The following LRRK1 variants were observed in gnomAD, a reference collection of about 807,000 sequenced individuals.
LRRK1 encodes the protein leucine rich repeat kinase 1.
LRRK1 carries 113 observed loss-of-function variants against 209.1 expected under a neutral mutation model. The observed-to-expected ratio is 0.54, with a 90% CI of 0.46 to 0.63. LRRK1 has a LOEUF of 0.63. Among genes scored for constraint, LRRK1 ranks in the 30% least tolerant of loss-of-function variants. The pLI is 0.00. For synonymous variants in LRRK1, 1,144 were observed against 1,099.7 expected, an observed-to-expected ratio of 1.04 and a Z score of -0.80; for missense variants, 2,284 against 2,632.2, an observed-to-expected ratio of 0.87 and a Z score of 2.89.
rs1377628574 is a variant in LRRK1, at chr15:101,062,627, C to A, written c.4851C>A (p.Pro1617=). 1.2e-5 allele frequency: 19 copies of A among 1,614,236 alleles called. No homozygotes were observed. The highest frequency in any genetic ancestry group is 1.5e-5 in the Non-Finnish European group (18 of 1,180,034). ...AGGGCATGTGCCCCTTAAACACACC[C>A]CAACAGGCCTTGGATACTCCAGCTG... The part of the protein sequence containing the change: ...TLKGMCPLNT[P]QQALDTPAVV... Residue 1617 remains proline (P), a synonymous_variant, in exon 31 of 34, where the codon CCC becomes CCA. Transcript: ENST00000388948.
At chr15:100,985,708 C>G (rs2031830067) in intron 4 of LRRK1, among the ~76,000 whole-genome samples, 1 of 152,194 alleles carries the variant, frequency 6.6e-6, no homozygotes. Context: ...TCAACTGCTC[C>G]CAGGAGCATC....
At chr15:100,976,921 G>A (rs1019719057) in intron 3 of LRRK1, among the ~76,000 whole-genome samples, 1 of 152,182 alleles carries the variant, frequency 6.6e-6, no homozygotes, top group African/African-American at 2.4e-5. Flanking sequence ...TGTAATAAGT[G>A]CAGAACTTCT....
chr15:100,966,985 G>A lies in LRRK1; in HGVS notation c.98-6819G>A, dbSNP rs144440144. On this transcript the variant is annotated intron_variant, in intron 2 of 33. Transcript: ENST00000388948. ...GTATGTTCCTAACATGGACAGAAGA[G>A]GCTACTTCATACCTGCTTGTGCATT... Among the ~76,000 whole-genome samples the A allele has an allele frequency of 9.8e-5, 15 of 152,328 alleles. 1 individual carries two copies. The East Asian group carries it at 2.9e-3, about 29-fold the overall frequency.
At chr15:100,996,089 A>T (rs1294494529) in intron 6 of LRRK1, among the ~76,000 whole-genome samples, 1 of 152,304 alleles carries the variant, frequency 6.6e-6, no homozygotes, top group South Asian at 2.1e-4. Context: ...CTGCGTGCTC[A>T]TGAGAGTGCC....
chr15:100,968,684 TTC>T (rs971477229), intron 2 of LRRK1, among the ~76,000 whole-genome samples: 3 of 83,256 alleles, frequency 3.6e-5, no homozygotes, highest in African/African-American at 1.4e-4. Flanking sequence ...CTTTCTTTCT[TTC>T]TTTCTTTCCT....
chr15:101,053,174 C>T (rs746560699), intron 25 of LRRK1, 49 bp from the exon 26 acceptor site: 4 of 1,592,240 alleles, frequency 2.5e-6, no homozygotes, highest in Non-Finnish European at 3.4e-6. Context: ...AGGCCTGAGG[C>T]TGCAGGCACC....
chr15:100,998,331 G>A (rs969536112), intron 6 of LRRK1, among the ~76,000 whole-genome samples: 11 of 151,950 alleles, frequency 7.2e-5, no homozygotes, highest in Non-Finnish European at 1.0e-4. Context: ...GCTCCTCCTC[G>A]ACCCAGGACA....
chr15:101,027,106 G>T lies in LRRK1; in HGVS notation c.2406-155G>T, dbSNP rs1368457081. Among the ~76,000 whole-genome samples the T allele has an allele frequency of 6.6e-6, 1 of 152,184 alleles. No homozygotes were observed. The highest frequency in any genetic ancestry group is 1.5e-5 in the Non-Finnish European group (1 of 68,026). On this transcript the variant is annotated intron_variant, in intron 17 of 33. Coordinates refer to ENST00000388948, the MANE Select transcript of LRRK1 (RefSeq NM_024652.6). The surrounding 1 kb of genome is among the most constrained non-coding windows in gnomAD (Gnocchi z 5.1). Reference sequence around the variant, plus strand: ...TGTGGGGCACCCAGCACAGTGATTTGCACAAAGCAAGGCCTCAATAAACTT... The same window carrying T: ...TGTGGGGCACCCAGCACAGTGATTTTCACAAAGCAAGGCCTCAATAAACTT...
At chr15:101,005,107 ACCTT>A (rs1335751061) in intron 6 of LRRK1, among the ~76,000 whole-genome samples, 1 of 152,130 alleles carries the variant, frequency 6.6e-6, no homozygotes. Context: ...CAATCTGGAC[ACCTT>A]GATTCCATGT....
At chr15:101,026,455 C>G (rs2034037936) in intron 17 of LRRK1, among the ~76,000 whole-genome samples, 1 of 152,264 alleles carries the variant, frequency 6.6e-6, no homozygotes, top group South Asian at 2.1e-4. Context: ...TGCTGCCCAT[C>G]TCATTTGTTG....
intron 2 of LRRK1, among the ~76,000 whole-genome samples, chr15:100,925,945 C>A (rs772631275): frequency 2.0e-5 from 3 of 152,216 alleles, no homozygotes; most frequent in South Asian, 2.1e-4. Context: ...GTCTGAGAGG[C>A]CCACGTTTGT....
At position 101,008,992 on chromosome 15, in the gene LRRK1, G is replaced by T. The variant is rs1404679405; in HGVS notation, c.918G>T (p.Lys306Asn). The change falls in exon 7 of 34, where the codon AAG (lysine) becomes AAT (asparagine). Residue 306 changes from lysine to asparagine, a missense_variant. Transcript: ENST00000388948. ...CCTGGGGCCTCATCAATCTCCGGAA[G>T]CTGAACCTCTCCGACAACCACCTGG... ...VIPWGLINLR[K>N]LNLSDNHLGE... The T allele has an allele frequency of 6.2e-7, 1 of 1,614,208 alleles. No individual in the cohort carries two copies. The highest frequency in any genetic ancestry group is 1.7e-5 in the Admixed American group (1 of 60,022).
At chr15:100,980,383 G>A (rs2031532653) in intron 3 of LRRK1, among the ~76,000 whole-genome samples, 2 of 152,148 alleles carry the variant, frequency 1.3e-5, no homozygotes, top group South Asian at 4.1e-4. Context: ...GTGGAAGAGA[G>A]ATTAGTGTTT....
chr15:100,933,445 G>T (rs2042244322), intron 2 of LRRK1, among the ~76,000 whole-genome samples: 1 of 152,078 alleles, frequency 6.6e-6, no homozygotes, highest in Non-Finnish European at 1.5e-5. Context: ...TGTTTTGTTT[G>T]TTTTTCTGGA....
At chr15:100,945,742 C>T (rs2141616072) in intron 2 of LRRK1, among the ~76,000 whole-genome samples, 1 of 152,228 alleles carries the variant, frequency 6.6e-6, no homozygotes, top group Non-Finnish European at 1.5e-5. Context: ...ATCCACCTGC[C>T]TCGGCTTCCC....
chr15:100,921,703 T>C (rs912659943), intron 1 of LRRK1, among the ~76,000 whole-genome samples: 3 of 152,230 alleles, frequency 2.0e-5, no homozygotes, highest in Non-Finnish European at 4.4e-5. Context: ...AAGACATTTG[T>C]AGAATGAATG....
rs773142518 is a variant in LRRK1 at position 100,989,405 on chromosome 15, A to T, written c.762+7A>T. 12 of 1,613,998 alleles carry T rather than the reference A, an allele frequency of 7.4e-6. No homozygotes were observed. The highest frequency in any genetic ancestry group is 8.5e-6 in the Non-Finnish European group (10 of 1,179,974). The stretch of plus-strand genomic sequence containing the variant: ...CAGTTATCCGGGAAAAACAGTGAGT[A>T]GTCACTGCCTGTGGAGTGTGTTTTA... On this transcript the variant is annotated splice_region_variant and intron_variant, in intron 6 of 33. Transcript: ENST00000388948.
rs113701843 is a variant in LRRK1, at chr15:100,966,910, C to T, written c.98-6894C>T. Among the ~76,000 whole-genome samples the T allele has an allele frequency of 5.6e-3, 846 of 152,318 alleles. 7 individuals are homozygous for T. The highest frequency in any genetic ancestry group is 0.02 in the African/African-American group (814 of 41,556). On this transcript the variant is annotated intron_variant, in intron 2 of 33. Coordinates refer to ENST00000388948, the MANE Select transcript of LRRK1 (RefSeq NM_024652.6). ...TATGGCCTACATATGCCCTAAGTTC[C>T]ACCTTCAAAATGTCCCTTAACTTGG...
chr15:101,054,487 A>G (rs1161201795), intron 26 of LRRK1, among the ~76,000 whole-genome samples: 1 of 152,258 alleles, frequency 6.6e-6, no homozygotes, highest in Non-Finnish European at 1.5e-5. Flanking sequence ...AGTCTGGTGA[A>G]TAGTGAGAAT....
Sources: gnomAD v4.1 joint callset for allele counts (sites outside exome capture counted in the v4.1 genomes callset) on GRCh38, gnomAD v4.1.1 for gene constraint, Gnocchi (gnomAD v3.1) non-coding constraint, MANE v1.5 for transcripts, NCBI Gene and HGNC (gene_info 2026-07-23, HGNC 2026-07-21) for gene names.